NABP1: variants seen among roughly 807,000 people sequenced by gnomAD.
NABP1 encodes the protein nucleic acid binding protein 1, also known as SOSS complex subunit B2.
NABP1 carries 18 observed loss-of-function variants against 25.0 expected under a neutral mutation model. The ratio of observed to expected loss-of-function variants is 0.72; its 90% CI spans 0.50 to 1.07. The LOEUF (loss-of-function observed/expected upper bound fraction) is 1.07, where lower values mean the gene tolerates loss of function less well. NABP1 is among the 50% of genes least tolerant of loss of function. The pLI is 0.00. For missense variants in NABP1, 270 were observed against 255.6 expected, an observed-to-expected ratio of 1.06 and a Z score of -0.39; for synonymous variants, 71 against 85.0, an observed-to-expected ratio of 0.84 and a Z score of 0.91.
chr2:191,681,833 C>A, intron 2 of NABP1, 113 bp from the exon 3 acceptor site: 1 of 543,014 alleles, frequency 1.8e-6, no homozygotes, highest in Non-Finnish European at 2.9e-6. Flanking sequence ...ATAGAGAGGG[C>A]TTGATCCTCA....
intron 4 of NABP1, 98 bp from the exon 5 acceptor site, chr2:191,684,132 C>T: frequency 2.9e-6 from 2 of 701,718 alleles, no homozygotes; most frequent in East Asian, 3.5e-5. Context: ...AAAAAAAAAG[C>T]CAAACCCAAA....
intron 4 of NABP1, 144 bp from the exon 5 acceptor site, chr2:191,684,085 CT>C (rs1687753008): frequency 3.7e-6 from 2 of 546,058 alleles, no homozygotes; most frequent in Admixed American, 7.7e-5. Flanking sequence ...CTTTAATGAC[CT>C]AGGAAAAATC....
rs758483308 is a variant in NABP1, at chr2:191,683,674, A to G, written c.303-55A>G. On this transcript the variant is annotated intron_variant, in intron 3 of 5. Transcript: ENST00000425611. The surrounding 1 kb of genome is among the most constrained non-coding windows in gnomAD (Gnocchi z 4.1). ...AAAAGTTAGAGATGTTACATAAAGA[A>G]GGGTTGAGGACTTTATTTCAGAAGT... is the stretch of plus-strand genomic sequence containing the variant. The G allele has an allele frequency of 1.2e-5, 15 of 1,267,394 alleles. No homozygotes were observed. Among genetic ancestry groups the G allele is most frequent in the Non-Finnish European group, 1.4e-5 (12 of 879,812 alleles). The allele number at this position is 1,267,394 out of a possible 1,614,324, so 78.5% of individuals were successfully genotyped here.
intron 3 of NABP1, chr2:191,682,838 A>T (rs868401795): frequency 2.8e-4 from 73 of 261,472 alleles, no homozygotes; most frequent in African/African-American, 1.5e-3. Flanking sequence ...ATGAAGGAAA[A>T]GAAATGATCA....
intron 2 of NABP1, among the ~76,000 whole-genome samples, chr2:191,681,683 A>G (rs1687689890): frequency 6.6e-6 from 1 of 152,330 alleles, no homozygotes; most frequent in Middle Eastern, 3.4e-3. Flanking sequence ...GTATAATAAT[A>G]CTGGCTTTGC....
chr2:191,678,967 C>T (rs761164323), intron 1 of NABP1, 23 bp from the exon 2 acceptor site: 1 of 1,614,210 alleles, frequency 6.2e-7, no homozygotes, highest in Non-Finnish European at 8.5e-7. Flanking sequence ...CAACCCCTCC[C>T]TTTGATTTTT....
chr2:191,683,635 A>G lies in NABP1; in HGVS notation c.303-94A>G, dbSNP rs566489338. The G allele has an allele frequency of 1.8e-4, 155 of 869,944 alleles. No homozygotes were observed. The East Asian group carries it at 2.8e-3, about 16-fold the overall frequency. The allele number at this position is 869,944 out of a possible 1,614,324, so 53.9% of individuals were successfully genotyped here. A position where few individuals can be genotyped will look rare whatever the true frequency, so the allele number is the denominator to read the frequency against. On this transcript the variant is annotated intron_variant, in intron 3 of 5. Transcript: ENST00000425611. This position sits in a 1 kb window ranked among gnomAD's most constrained non-coding sequence, Gnocchi z 4.1. ...TTGTTGCTATTAATTTGTTTGACAC[A>G]TAAGTTCATTCCTAAAAGTTAGAGA...
rs111417143 is a variant in NABP1, at chr2:191,686,254, G to A, written c.*486G>A. 0.014 allele frequency: 2,171 copies of A among 152,372 alleles called. 27 individuals carry two copies. Among genetic ancestry groups the A allele is most frequent in the African/African-American group, 0.033 (1,366 of 41,506 alleles). The allele number at this position is 152,372 out of a possible 1,614,324, so 9.4% of individuals were successfully genotyped here. A position where few individuals can be genotyped will look rare whatever the true frequency, so the allele number is the denominator to read the frequency against. On this transcript the variant is annotated 3_prime_UTR_variant, in exon 6 of 6. Coordinates refer to ENST00000425611, the MANE Select transcript of NABP1 (RefSeq NM_001031716.5). ...TGTGGCTCTCGGAATGATTGACTTC[G>A]TTCAGTGACTACTATTAAGATTTTC...
intron 3 of NABP1, 85 bp downstream of exon 3, chr2:191,682,102 CTT>C: frequency 1.2e-6 from 1 of 847,946 alleles, no homozygotes; most frequent in Non-Finnish European, 1.7e-6. Flanking sequence ...TTGTAAACCT[CTT>C]TGGCTTTTTT....
Position 191,683,997 on chromosome 2 carries a change from G to A in NABP1, c.378+193G>A, listed in dbSNP as rs575250612. 4.0e-5 allele frequency among the ~76,000 whole-genome samples: 6 copies of A among 151,702 alleles called. No homozygotes were observed. Among genetic ancestry groups the A allele is most frequent in the South Asian group, 2.1e-4 (1 of 4,802 alleles). On this transcript the variant is annotated intron_variant, in intron 4 of 5. Coordinates refer to ENST00000425611, the MANE Select transcript of NABP1 (RefSeq NM_001031716.5). This position sits in a 1 kb window ranked among gnomAD's most constrained non-coding sequence, Gnocchi z 4.1. ...ATATATGTGCCATTTTGCACTTTGT[G>A]GTGTGCTGAGTAATTATCAGGAAAT... is the stretch of plus-strand genomic sequence containing the variant.
Position 191,678,783 on chromosome 2 carries a change from C to T in NABP1, c.91+78C>T, listed in dbSNP as rs558509522. On this transcript the variant is annotated intron_variant, in intron 1 of 5. Transcript: ENST00000425611. Reference sequence around the variant, plus strand: ...AGACAGGGGCGCCGGCCGCTGCGCGCCCGGGGCTCCCCTCCTCCTCCCTCC... The same window carrying T: ...AGACAGGGGCGCCGGCCGCTGCGCGTCCGGGGCTCCCCTCCTCCTCCCTCC... 7.4e-5 allele frequency: 101 copies of T among 1,372,080 alleles called. No homozygotes were observed. The African/African-American group carries it at 1.4e-3, about 18-fold the overall frequency. The allele number at this position is 1,372,080 out of a possible 1,614,324, so 85.0% of individuals were successfully genotyped here.
chr2:191,679,107 ATAT>A lies in NABP1; in HGVS notation c.214_216del (p.Ile72del). ...ATCGGAGGTCTTATACAGCCAGGGG[ATAT>A]TATTCGGTTGACCAGAGGGTAGGTG... On this transcript the variant is annotated inframe_deletion, in exon 2 of 6. Coordinates refer to ENST00000425611, the MANE Select transcript of NABP1 (RefSeq NM_001031716.5). The A allele has an allele frequency of 1.2e-6, 2 of 1,614,112 alleles. No homozygotes were observed. Among genetic ancestry groups the A allele is most frequent in the Non-Finnish European group, 1.7e-6 (2 of 1,180,014 alleles).
chr2:191,679,836 T>C (rs1687628494), intron 2 of NABP1, among the ~76,000 whole-genome samples: 1 of 152,226 alleles, frequency 6.6e-6, no homozygotes, highest in South Asian at 2.1e-4. Context: ...GCCAGTATTT[T>C]ACATATGTTA....
chr2:191,682,300 A>AT, intron 3 of NABP1: 2 of 378,738 alleles, frequency 5.3e-6, no homozygotes, highest in East Asian at 6.1e-5. Context: ...AGAAATGTGC[A>AT]TTTTTTAGGT....
Position 191,678,435 on chromosome 2 carries a change from T to TTTGGG in NABP1, c.-180_-179insTTGGG. ...TTTTTTTTTTTTTTTTTTCTTTTTT[T>TTTGGG]AGGCTCAGTGCTGTCCGGGCTGGTT... On this transcript the variant is annotated 5_prime_UTR_variant, in exon 1 of 6. Transcript: ENST00000425611. 1 of 351,642 alleles carries TTTGGG rather than the reference T, an allele frequency of 2.8e-6. No individual in the cohort carries two copies. The highest frequency in any genetic ancestry group is 5.0e-6 in the Non-Finnish European group (1 of 199,096). 21.8% of individuals were successfully genotyped at this position (351,642 alleles called of 1,614,324 possible). A position where few individuals can be genotyped will look rare whatever the true frequency, so the allele number is the denominator to read the frequency against.
At chr2:191,685,436 C>T (rs1687789278) in intron 5 of NABP1, among the ~76,000 whole-genome samples, 163 bp from the exon 6 acceptor site, 1 of 151,716 alleles carries the variant, frequency 6.6e-6, no homozygotes, top group East Asian at 1.9e-4. Context: ...TATAGCAATA[C>T]ATTTGGAAAA....
intron 2 of NABP1, among the ~76,000 whole-genome samples, chr2:191,681,254 G>A (rs1482896666): frequency 6.6e-6 from 1 of 152,150 alleles, no homozygotes; most frequent in Non-Finnish European, 1.5e-5. Context: ...GAGAACCATT[G>A]AGAACCAAAC....
rs62179883 is a variant in NABP1 at position 191,678,402 on chromosome 2, C to T, written c.-213C>T. The T allele has an allele frequency of 2.9e-6, 1 of 349,218 alleles. No homozygotes were observed. The highest frequency in any genetic ancestry group is 4.4e-5 in the East Asian group (1 of 22,474). 21.6% of individuals were successfully genotyped at this position (349,218 alleles called of 1,614,324 possible). A position where few individuals can be genotyped will look rare whatever the true frequency, so the allele number is the denominator to read the frequency against. Reference sequence around the variant, plus strand: ...CCTTTTTTTCTTTAGAACTTGTGAGCCTTTTTTTTTTTTTTTTTTTTTTTT... The same window carrying T: ...CCTTTTTTTCTTTAGAACTTGTGAGTCTTTTTTTTTTTTTTTTTTTTTTTT... On this transcript the variant is annotated 5_prime_UTR_variant, in exon 1 of 6. Transcript: ENST00000425611.
chr2:191,678,853 A>T (rs1687584427), intron 1 of NABP1, 137 bp from the exon 2 acceptor site: 1 of 1,128,800 alleles, frequency 8.9e-7, no homozygotes, highest in Non-Finnish European at 1.2e-6. Flanking sequence ...CCGAGATCGG[A>T]TCCTACCTGA....
Sources: gnomAD v4.1 joint callset for allele counts (sites outside exome capture counted in the v4.1 genomes callset) on GRCh38, gnomAD v4.1.1 for gene constraint, Gnocchi (gnomAD v3.1) non-coding constraint, MANE v1.5 for transcripts, NCBI Gene and HGNC (gene_info 2026-07-23, HGNC 2026-07-21) for gene names.